Variants in EPM2A observed in about 807,000 individuals in gnomAD.
The protein encoded by EPM2A is laforin.
A neutral mutation model predicts 26.5 loss-of-function variants in EPM2A; 21 were observed. The ratio of observed to expected loss-of-function variants is 0.79; its 90% confidence interval spans 0.56 to 1.14. EPM2A has a LOEUF of 1.14. Ranked by LOEUF, EPM2A falls within the 50% of genes most tolerant of loss-of-function variation. EPM2A has a pLI of 0.00. For synonymous variants in EPM2A, 217 were observed against 177.6 expected (o/e 1.22, Z -1.76); for missense variants, 458 against 440.8 (o/e 1.04, Z -0.35).
chr6:145,419,162 A>C (rs966237210), intron 4 of EPM2A, among the ~76,000 whole-genome samples: 1 of 147,444 alleles, frequency 6.8e-6, no homozygotes, highest in Non-Finnish European at 1.5e-5. Flanking sequence ...CCATTGCCCA[A>C]GCAAATTCTG....
At position 145,474,746 on chromosome 6, in the gene EPM2A, C is replaced by A. The variant is rs143767946; in HGVS notation, c.555+27776G>T. Reference sequence around the variant, plus strand: ...CTGACAAAGAGCTAATATCCAGAATCTACAAAGAACTTAAATAAATTTACA... The same window carrying A: ...CTGACAAAGAGCTAATATCCAGAATATACAAAGAACTTAAATAAATTTACA... On this transcript the variant is annotated intron_variant, in intron 4 of 4. Coordinates refer to the EPM2A transcript ENST00000638717. Among the ~76,000 whole-genome samples, 178 of 152,160 alleles carry A rather than the reference C, an allele frequency of 1.2e-3. 1 individual carries two copies. The highest frequency in any genetic ancestry group is 4.1e-3 in the African/African-American group (171 of 41,536).
chr6:145,411,079 T>G (rs745841170), intron 4 of EPM2A, among the ~76,000 whole-genome samples: 2 of 152,158 alleles, frequency 1.3e-5, no homozygotes, highest in African/African-American at 4.8e-5. Flanking sequence ...CTATATGAAC[T>G]AGGGGGAGTC....
rs1778240565 is a variant in EPM2A at position 145,385,050 on chromosome 6, G to A, written c.556-953C>T. On this transcript the variant is annotated intron_variant, in intron 4 of 4. Coordinates refer to the EPM2A transcript ENST00000638717. ...TGTAAATAGCATCGCATGAATAAAG[G>A]TTTTTCAGATGTTTAGAATAAATAA... 1.4e-5 allele frequency among the ~76,000 whole-genome samples: 2 copies of A among 147,664 alleles called. 1 individual carries two copies. The highest frequency in any genetic ancestry group is 4.5e-4 in the South Asian group (2 of 4,434).
At chr6:145,711,530 T>C (rs896005871) in intron 1 of EPM2A, among the ~76,000 whole-genome samples, 2 of 152,064 alleles carry the variant, frequency 1.3e-5, no homozygotes, top group Admixed American at 6.6e-5. Flanking sequence ...AGAAGAGAGA[T>C]TAGAGCTAGA....
intron 4 of EPM2A, among the ~76,000 whole-genome samples, chr6:145,394,435 T>TAC (rs1455022978): frequency 3.3e-5 from 5 of 152,036 alleles, no homozygotes; most frequent in African/African-American, 1.2e-4. Context: ...CCAATTACCA[T>TAC]ACAGATAGAG....
At chr6:145,465,178 TTA>T (rs1179982499) in intron 4 of EPM2A, among the ~76,000 whole-genome samples, 2 of 152,016 alleles carry the variant, frequency 1.3e-5, no homozygotes, top group Non-Finnish European at 2.9e-5. Flanking sequence ...TCATTTCTTT[TTA>T]TTCTTTTTTC....
chr6:145,420,488 A>T (rs1006843047), intron 4 of EPM2A, among the ~76,000 whole-genome samples: 2 of 152,140 alleles, frequency 1.3e-5, no homozygotes, highest in Non-Finnish European at 2.9e-5. Context: ...TTCTTTTTAT[A>T]ACAGATAAAA....
chr6:145,471,434 A>G (rs1270944476), intron 4 of EPM2A, among the ~76,000 whole-genome samples: 1 of 152,144 alleles, frequency 6.6e-6, no homozygotes, highest in East Asian at 1.9e-4. Context: ...GGAAAAACAC[A>G]ATCATGAGAA....
At chr6:145,512,697 C>G (rs550923282) in intron 2 of EPM2A, among the ~76,000 whole-genome samples, 1 of 111,906 alleles carries the variant, frequency 8.9e-6, no homozygotes, top group Admixed American at 1.3e-4. Flanking sequence ...GGCAACAGAG[C>G]GAGACTCCAT....
intron 2 of EPM2A, among the ~76,000 whole-genome samples, chr6:145,645,540 A>G (rs1777397428): frequency 6.6e-6 from 1 of 152,008 alleles, no homozygotes; most frequent in South Asian, 2.1e-4. Context: ...CCCCACCTCA[A>G]GTAACCCTTC....
intron 4 of EPM2A, among the ~76,000 whole-genome samples, chr6:145,452,077 AC>A (rs1271195919): frequency 2.0e-5 from 3 of 151,980 alleles, no homozygotes. Context: ...TCTCTTTTAC[AC>A]CCTGGCTCTC....
chr6:145,464,044 CTCTT>C (rs1280787885), intron 4 of EPM2A, among the ~76,000 whole-genome samples: 2 of 152,110 alleles, frequency 1.3e-5, no homozygotes, highest in Non-Finnish European at 2.9e-5. Context: ...TACCCTCTTT[CTCTT>C]TCTTTCTCTC....
At chr6:145,551,491 T>C (rs927257398) in intron 2 of EPM2A, among the ~76,000 whole-genome samples, 2 of 152,028 alleles carry the variant, frequency 1.3e-5, no homozygotes, top group Non-Finnish European at 2.9e-5. Context: ...AAGTAAATTT[T>C]CCTGGCTTGA....
At chr6:145,661,144 G>A (rs1190645191) in intron 2 of EPM2A, among the ~76,000 whole-genome samples, 1 of 152,102 alleles carries the variant, frequency 6.6e-6, no homozygotes, top group Non-Finnish European at 1.5e-5. Context: ...AAGAAAATAA[G>A]AAAGGGGAAC....
chr6:145,423,379 G>T (rs1193556197), intron 4 of EPM2A, among the ~76,000 whole-genome samples: 1 of 152,104 alleles, frequency 6.6e-6, no homozygotes, highest in Non-Finnish European at 1.5e-5. Flanking sequence ...AGAGGGAAAG[G>T]GCTTTCCACC....
At chr6:145,511,842 T>G (rs186044937) in intron 2 of EPM2A, among the ~76,000 whole-genome samples, 16 of 152,312 alleles carry the variant, frequency 1.1e-4, no homozygotes, top group Admixed American at 9.2e-4. Flanking sequence ...ACTGACAACA[T>G]GATCACATAC....
chr6:145,728,320 C>T (rs964634945), intron 1 of EPM2A, among the ~76,000 whole-genome samples: 2 of 152,140 alleles, frequency 1.3e-5, no homozygotes, highest in Non-Finnish European at 2.9e-5. Flanking sequence ...TTGGAGGACT[C>T]AGAGGAAGCA....
chr6:145,398,869 A>AG (rs1778443656), intron 4 of EPM2A, among the ~76,000 whole-genome samples: 1 of 151,726 alleles, frequency 6.6e-6, no homozygotes. Context: ...CAAAAAAAAA[A>AG]AAAAAACCAT....
At chr6:145,501,899 T>C (rs540918907) in intron 3 of EPM2A, 29 of 470,578 alleles carry the variant, frequency 6.2e-5, no homozygotes, top group Middle Eastern at 6.5e-4. Flanking sequence ...GTCATTGTTA[T>C]TGTTCTCATT....
Sources: allele counts gnomAD v4.1 joint callset (sites outside exome capture counted in the v4.1 genomes callset), GRCh38; gene constraint gnomAD v4.1.1; transcripts MANE v1.5; gene names NCBI Gene and HGNC (gene_info 2026-07-23, HGNC 2026-07-21).